Variants in ASAH2 observed in about 807,000 individuals in gnomAD.
ASAH2 encodes the protein N-acylsphingosine amidohydrolase 2, also known as neutral ceramidase.
A neutral mutation model predicts 82.9 loss-of-function variants in ASAH2; 58 were observed. That is an observed-to-expected ratio of 0.70 (90% confidence interval 0.57 to 0.87). The LOEUF is 0.87. ASAH2 is among the 40% of genes least tolerant of loss of function. The pLI is 0.00. For synonymous variants in ASAH2, 276 were observed against 289.7 expected, an observed-to-expected ratio of 0.95 and a Z score of 0.48; for missense variants, 779 against 834.0, an observed-to-expected ratio of 0.93 and a Z score of 0.81.
chr10:50,220,499 TC>T (rs1845712938), intron 7 of ASAH2, among the ~76,000 whole-genome samples: 1 of 2,046 alleles, frequency 4.9e-4, no homozygotes, highest in East Asian at 0.25. Flanking sequence ...AGCTGGAGGC[TC>T]CATTTGTTAC....
intron 8 of ASAH2, among the ~76,000 whole-genome samples, chr10:50,215,710 G>T (rs1845575407): frequency 1.3e-5 from 2 of 152,110 alleles, no homozygotes; most frequent in Non-Finnish European, 2.9e-5. Context: ...TACCCTTGTA[G>T]TATAGTTTGA....
chr10:50,202,873 A>G lies in ASAH2; in HGVS notation c.1717T>C (p.Cys573Arg), dbSNP rs1356018616. Residue 573 changes from cysteine (C) to arginine (R), a missense_variant, in exon 16 of 21, where the codon TGC (cysteine) becomes CGC (arginine). Coordinates refer to ENST00000682911, the MANE Select transcript of ASAH2 (RefSeq NM_019893.4). ...QNMTVVISGLCNVYTHYITTY... is the reference protein window; with the variant it reads ...QNMTVVISGLRNVYTHYITTY... ...GTAATGTAATGTGTATAGACGTTGC[A>G]TAGACCTGAAATAACAACAGTCATG... The G allele has an allele frequency of 9.3e-6, 15 of 1,612,358 alleles. No homozygotes were observed. The highest frequency in any genetic ancestry group is 1.3e-5 in the Non-Finnish European group (15 of 1,178,758).
At chr10:50,248,050 G>A (rs982587824) in intron 2 of ASAH2, among the ~76,000 whole-genome samples, 13 of 152,140 alleles carry the variant, frequency 8.5e-5, no homozygotes, top group African/African-American at 2.9e-4. Flanking sequence ...AAGGATTTAC[G>A]TTTGAGACCC....
Position 50,243,313 on chromosome 10 carries a change from G to A in ASAH2, c.399C>T (p.Ile133=), listed in dbSNP as rs1379894887. Residue 133 remains isoleucine, a synonymous_variant, in exon 4 of 21, where the codon ATC becomes ATT. Transcript: ENST00000682911. The part of the protein sequence containing the change: ...YGKSGQNAQG[I]LTRLYSRAFI... ...AGGCACGACTGTATAGCCTGGTGAGGATGCCCTGTGCATTCTGGCCGGATT... is the reference window on the plus strand; with the variant it reads ...AGGCACGACTGTATAGCCTGGTGAGAATGCCCTGTGCATTCTGGCCGGATT... The A allele has an allele frequency of 6.2e-6, 10 of 1,614,128 alleles. No individual in the cohort carries two copies. The highest frequency in any genetic ancestry group is 3.3e-5 in the South Asian group (3 of 91,076).
intron 7 of ASAH2, among the ~76,000 whole-genome samples, chr10:50,219,730 T>A (rs2133213797): frequency 6.6e-6 from 1 of 152,358 alleles, no homozygotes; most frequent in African/African-American, 2.4e-5. Flanking sequence ...CTTTCAAGCA[T>A]CAGTTCTTAT....
intron 7 of ASAH2, among the ~76,000 whole-genome samples, chr10:50,220,842 A>C: frequency 7.5e-6 from 1 of 132,806 alleles, no homozygotes; most frequent in Non-Finnish European, 1.6e-5. Context: ...TAGCCAAAAA[A>C]AAAAAAAAAA....
chr10:50,236,695 C>A (rs1489085251), intron 4 of ASAH2, among the ~76,000 whole-genome samples: 7 of 152,038 alleles, frequency 4.6e-5, no homozygotes, highest in African/African-American at 1.2e-4. Flanking sequence ...ATTTAAAAAT[C>A]TTTATTACAA....
At chr10:50,203,713 C>G in intron 14 of ASAH2, 34 bp from the exon 15 acceptor site, 3 of 1,603,560 alleles carry the variant, frequency 1.9e-6, no homozygotes, top group South Asian at 2.2e-5. Flanking sequence ...AAACGTTTTC[C>G]TACTAGACGT....
rs1006668563 is a variant in ASAH2 at position 50,226,602 on chromosome 10, G to C, written c.893+6582C>G. 5.0e-3 allele frequency among the ~76,000 whole-genome samples: 761 copies of C among 152,180 alleles called. 4 individuals are homozygous for C. The highest frequency in any genetic ancestry group is 0.017 in the African/African-American group (713 of 41,520). ...ATAAGGAATGTACTACTCTGGTTGGGGATATTGATAGTGAGGGAGGCTGTG... is the reference window on the plus strand; with the variant it reads ...ATAAGGAATGTACTACTCTGGTTGGCGATATTGATAGTGAGGGAGGCTGTG... On this transcript the variant is annotated intron_variant, in intron 7 of 20. Transcript: ENST00000682911.
rs538855649 is a variant in ASAH2, at chr10:50,251,382, T to C, written c.-37+13A>G. Among the ~76,000 whole-genome samples, 1 of 152,288 alleles carries C rather than the reference T, an allele frequency of 6.6e-6. No homozygotes were observed. Among genetic ancestry groups the C allele is most frequent in the East Asian group, 1.9e-4 (1 of 5,178 alleles). On this transcript the variant is annotated intron_variant, in intron 1 of 20. Transcript: ENST00000682911. ...CCTTCCCTCCTTCCCCAAGAAAACA[T>C]AGCTGTCCTTACCTGATTCTAGTAC...
chr10:50,233,387 G>A, intron 6 of ASAH2, 126 bp from the exon 7 acceptor site: 3 of 715,728 alleles, frequency 4.2e-6, no homozygotes, highest in East Asian at 5.0e-5. Flanking sequence ...TTGACAAGCA[G>A]TAGTTCTGTG....
intron 5 of ASAH2, 104 bp from the exon 6 acceptor site, chr10:50,234,656 C>A: frequency 6.7e-7 from 1 of 1,489,906 alleles, no homozygotes; most frequent in Non-Finnish European, 9.3e-7. Flanking sequence ...TTTCCTTTGT[C>A]TCTAATGGGT....
intron 16 of ASAH2, among the ~76,000 whole-genome samples, chr10:50,202,345 C>T (rs1000424192): frequency 6.6e-6 from 1 of 152,048 alleles, no homozygotes; most frequent in African/African-American, 2.4e-5. Context: ...AGCTACCAGC[C>T]TCCCTCAAAC....
intron 2 of ASAH2, among the ~76,000 whole-genome samples, chr10:50,246,055 T>G (rs955335831): frequency 4.6e-5 from 7 of 152,230 alleles, no homozygotes; most frequent in Non-Finnish European, 7.3e-5. Flanking sequence ...AGTATTTATA[T>G]ATTCATATCT....
rs141919902 is a variant in ASAH2 at position 50,243,333 on chromosome 10, C to T, written c.379G>A (p.Gly127Ser). The change falls in exon 4 of 21, where the codon GGC becomes AGC. Residue 127 changes from glycine to serine, a missense_variant. Transcript: ENST00000682911. Reference sequence around the variant, plus strand: ...GTGAGGATGCCCTGTGCATTCTGGCCGGATTTGCCATAGCCCATCTAAAGA... The same window carrying T: ...GTGAGGATGCCCTGTGCATTCTGGCTGGATTTGCCATAGCCCATCTAAAGA... ...DINLMGYGKS[G>S]QNAQGILTRL... The T allele has an allele frequency of 9.3e-5, 150 of 1,613,976 alleles. No homozygotes were observed. The highest frequency in any genetic ancestry group is 7.7e-4 in the African/African-American group (58 of 74,996).
chr10:50,202,411 T>A (rs1845174446), intron 16 of ASAH2, among the ~76,000 whole-genome samples: 1 of 152,094 alleles, frequency 6.6e-6, no homozygotes, highest in Admixed American at 6.6e-5. Flanking sequence ...TACTTCTGGA[T>A]ATACTGTGAG....
At chr10:50,220,745 C>T (rs1845720861) in intron 7 of ASAH2, among the ~76,000 whole-genome samples, 1 of 150,522 alleles carries the variant, frequency 6.6e-6, no homozygotes, top group Non-Finnish European at 1.5e-5. Context: ...ATGTAACCAA[C>T]CCGCAAATGT....
intron 7 of ASAH2, among the ~76,000 whole-genome samples, chr10:50,220,873 G>A (rs1406819516): frequency 1.5e-5 from 2 of 135,440 alleles, no homozygotes; most frequent in African/African-American, 5.4e-5. Flanking sequence ...TGAGGGGAAG[G>A]ATAAAACAGA....
At chr10:50,210,931 CA>C in intron 11 of ASAH2, 27 bp from the exon 12 acceptor site, 4 of 1,610,436 alleles carry the variant, frequency 2.5e-6, no homozygotes, top group Non-Finnish European at 3.4e-6. Flanking sequence ...AAAAACAAAA[CA>C]AAAATGAAAA....
Sources: allele counts gnomAD v4.1 joint callset (sites outside exome capture counted in the v4.1 genomes callset), GRCh38; gene constraint gnomAD v4.1.1; transcripts MANE v1.5; gene names NCBI Gene and HGNC (gene_info 2026-07-23, HGNC 2026-07-21).